The following ZCCHC14 variants were observed in gnomAD, a reference collection of about 807,000 sequenced individuals.
The protein encoded by ZCCHC14 is zinc finger CCHC domain-containing protein 14.
ZCCHC14 carries 16 observed loss-of-function variants against 85.0 expected under a neutral mutation model. The ratio of observed to expected loss-of-function variants is 0.19; its 90% CI spans 0.13 to 0.29. The LOEUF (loss-of-function observed/expected upper bound fraction) is 0.29, where lower values mean the gene tolerates loss of function less well. Ranked by LOEUF, ZCCHC14 falls within the 10% of genes least tolerant of loss-of-function variation. ZCCHC14 has a pLI of 1.00. For missense variants in ZCCHC14, 1,303 were observed against 1,443.5 expected (o/e 0.90, Z 1.58); for synonymous variants, 775 against 630.7 (o/e 1.23, Z -3.43).
intron 4 of ZCCHC14, among the ~76,000 whole-genome samples, 176 bp downstream of exon 4, chr16:87,423,634 G>A (rs1254211731): frequency 1.3e-5 from 2 of 152,244 alleles, no homozygotes; most frequent in African/African-American, 2.4e-5. Flanking sequence ...TGTGCTCGCA[G>A]CAACGCTCAT....
At chr16:87,458,114 A>G (rs997532587) in intron 2 of ZCCHC14, among the ~76,000 whole-genome samples, 10 of 142,684 alleles carry the variant, frequency 7.0e-5, no homozygotes, top group Non-Finnish European at 1.4e-4. Flanking sequence ...AAAAAAAAAA[A>G]GAATGGGGAT....
intron 2 of ZCCHC14, among the ~76,000 whole-genome samples, chr16:87,439,109 G>C (rs1241041451): frequency 6.6e-6 from 1 of 151,646 alleles, no homozygotes; most frequent in Admixed American, 6.6e-5. Context: ...ATTCCAAAAG[G>C]CCTGGGAGGA....
chr16:87,420,283 C>T lies in ZCCHC14; in HGVS notation c.950+324G>A, dbSNP rs569440080. Reference sequence around the variant, plus strand: ...GGGTCCAGAGAAACTGTTTAAGAGACGCCAATTTTATCTGGGAATAGTCTC... The same window carrying T: ...GGGTCCAGAGAAACTGTTTAAGAGATGCCAATTTTATCTGGGAATAGTCTC... On this transcript the variant is annotated intron_variant, in intron 5 of 12. Transcript: ENST00000671377. The surrounding 1 kb of genome is among the most constrained non-coding windows in gnomAD (Gnocchi z 5.0). 2.0e-5 allele frequency among the ~76,000 whole-genome samples: 3 copies of T among 152,312 alleles called. No homozygotes were observed. Among genetic ancestry groups the T allele is most frequent in the Admixed American group, 6.5e-5 (1 of 15,294 alleles).
chr16:87,486,537 C>T (rs545516978), intron 1 of ZCCHC14, among the ~76,000 whole-genome samples: 6 of 152,338 alleles, frequency 3.9e-5, no homozygotes, highest in South Asian at 4.1e-4. Flanking sequence ...CAGCTGAGGA[C>T]GCTTTTCTCA....
rs1315228350 is a variant in ZCCHC14, at chr16:87,406,517, A to AAG, written c.*3761_*3762dup. On this transcript the variant is annotated 3_prime_UTR_variant, in exon 13 of 13. Coordinates refer to ENST00000671377, the MANE Select transcript of ZCCHC14 (RefSeq NM_015144.3). ...GGGAGAATTTTCCTTCATTCCTAAAAAGAAAATATGTCCAATAGAAGCTGT... is the reference window on the plus strand; with the variant it reads ...GGGAGAATTTTCCTTCATTCCTAAAAAGAGAAAATATGTCCAATAGAAGCTGT... The AAG allele has an allele frequency of 6.6e-6, 1 of 152,612 alleles. No individual in the cohort carries two copies. Among genetic ancestry groups the AAG allele is most frequent in the African/African-American group, 2.4e-5 (1 of 41,466 alleles). 9.5% of individuals were successfully genotyped at this position (152,612 alleles called of 1,614,324 possible).
Position 87,412,188 on chromosome 16 carries a change from A to T in ZCCHC14, c.2533T>A (p.Ser845Thr), listed in dbSNP as rs771206468. Residue 845 changes from serine to threonine, a missense_variant, in exon 12 of 13, where the codon TCT (serine) becomes ACT (threonine). By Grantham distance (58) the Ser-to-Thr change is moderately conservative. Transcript: ENST00000671377. ...GACGTGGAGGGGTGGCTGCTGGGAG[A>T]GGCAGTGTTGCTGTTTGCACAGAAG... ...GGFCANSNTA[S>T]PSSHPSTSFA... 1.9e-6 allele frequency: 3 copies of T among 1,613,882 alleles called. No individual in the cohort carries two copies. The highest frequency in any genetic ancestry group is 1.7e-5 in the Admixed American group (1 of 60,016).
chr16:87,426,070 T>C (rs1452935041), intron 3 of ZCCHC14, among the ~76,000 whole-genome samples: 1 of 152,192 alleles, frequency 6.6e-6, no homozygotes, highest in Non-Finnish European at 1.5e-5. Context: ...TATCAGAAAG[T>C]GAGCACTGGA....
intron 3 of ZCCHC14, among the ~76,000 whole-genome samples, chr16:87,424,247 A>G (rs1909252205): frequency 6.6e-6 from 1 of 152,168 alleles, no homozygotes; most frequent in Non-Finnish European, 1.5e-5. Flanking sequence ...CTCAGATGCA[A>G]GAGCGACACA....
intron 2 of ZCCHC14, among the ~76,000 whole-genome samples, chr16:87,445,391 G>A (rs1199757157): frequency 1.3e-5 from 2 of 152,156 alleles, no homozygotes; most frequent in Non-Finnish European, 2.9e-5. Context: ...TAAAGACGCA[G>A]ATCTATTCCC....
In ZCCHC14 at chr16:87,410,345, G is replaced by C. The variant is rs750596082; in HGVS notation, c.3206-10C>G. On this transcript the variant is annotated splice_polypyrimidine_tract_variant and intron_variant, in intron 12 of 12. Coordinates refer to ENST00000671377, the MANE Select transcript of ZCCHC14 (RefSeq NM_015144.3). ...TTCAACCTAAAAGTACCTAGAGAGAGGGGAAAAAAGAGGTCAAATTTGAAT... is the reference window on the plus strand; with the variant it reads ...TTCAACCTAAAAGTACCTAGAGAGACGGGAAAAAAGAGGTCAAATTTGAAT... 3.9e-6 allele frequency: 3 copies of C among 772,904 alleles called. No homozygotes were observed. The highest frequency in any genetic ancestry group is 2.7e-5 in the South Asian group (2 of 73,116). 47.9% of individuals were successfully genotyped at this position (772,904 alleles called of 1,614,324 possible).
intron 2 of ZCCHC14, among the ~76,000 whole-genome samples, chr16:87,441,035 G>T (rs1168882589): frequency 1.4e-5 from 2 of 144,124 alleles, no homozygotes; most frequent in African/African-American, 5.2e-5. Flanking sequence ...ATAGAGTTTC[G>T]CTCTGTCACC....
At chr16:87,459,958 C>T (rs1463443290) in intron 2 of ZCCHC14, 50 bp downstream of exon 2, 1 of 1,612,394 alleles carries the variant, frequency 6.2e-7, no homozygotes, top group Non-Finnish European at 8.5e-7. Context: ...CTGGGGTGTG[C>T]CCATCCTCCG....
chr16:87,491,089 G>T lies in ZCCHC14; in HGVS notation c.570+580C>A, dbSNP rs190293137. Reference sequence around the variant, plus strand: ...GGGAAACCAAGGCGCCGCAATGTGTGTTATCTGTCACCCAAGGGCCCCATT... The same window carrying T: ...GGGAAACCAAGGCGCCGCAATGTGTTTTATCTGTCACCCAAGGGCCCCATT... On this transcript the variant is annotated intron_variant, in intron 1 of 12. Coordinates refer to ENST00000671377, the MANE Select transcript of ZCCHC14 (RefSeq NM_015144.3). This position sits in a 1 kb window ranked among gnomAD's most constrained non-coding sequence, Gnocchi z 5.9. Among the ~76,000 whole-genome samples, 74 of 152,360 alleles carry T rather than the reference G, an allele frequency of 4.9e-4. No homozygotes were observed. The highest frequency in any genetic ancestry group is 1.5e-3 in the African/African-American group (63 of 41,584).
rs763777527 is a variant in ZCCHC14, at chr16:87,412,853, T to C, written c.1868A>G (p.Asn623Ser). ...VLPVQNEASSNPSGHHPLPPQ... is the reference protein window; with the variant it reads ...VLPVQNEASSSPSGHHPLPPQ... ...GGGCAGGGGGTGGTGGCCTGATGGA[T>C]TGGAGCTGGCCTCATTCTGCACAGG... The change falls in exon 12 of 13, where the codon AAT (asparagine) becomes AGT (serine). Residue 623 changes from asparagine (N) to serine (S), a missense_variant. Transcript: ENST00000671377. The C allele has an allele frequency of 3.1e-6, 5 of 1,608,580 alleles. No homozygotes were observed. The highest frequency in any genetic ancestry group is 3.4e-5 in the Admixed American group (2 of 59,606).
intron 2 of ZCCHC14, among the ~76,000 whole-genome samples, chr16:87,445,388 G>T (rs78681694): frequency 2.1e-3 from 323 of 152,190 alleles, no homozygotes; most frequent in African/African-American, 7.4e-3. Context: ...TTTTAAAGAC[G>T]CAGATCTATT....
intron 12 of ZCCHC14, among the ~76,000 whole-genome samples, chr16:87,410,647 G>C (rs60483752): frequency 0.37 from 56,455 of 152,200 alleles, 13,555 homozygotes; most frequent in Non-Finnish European, 0.56. Flanking sequence ...CACTGGGTGA[G>C]GGCAGGTGAG....
rs536137568 is a variant in ZCCHC14 at position 87,407,293 on chromosome 16, T to A, written c.*2987A>T. 5.3e-5 allele frequency: 8 copies of A among 152,366 alleles called. No individual in the cohort carries two copies. The South Asian group carries it at 1.5e-3, about 28-fold the overall frequency. 9.4% of individuals were successfully genotyped at this position (152,366 alleles called of 1,614,324 possible). ...TGTATTAACAAGCTGACTCCTGTAA[T>A]CTTTTGGAGATGACAGATGATACTG... On this transcript the variant is annotated 3_prime_UTR_variant, in exon 13 of 13. Coordinates refer to ENST00000671377, the MANE Select transcript of ZCCHC14 (RefSeq NM_015144.3).
chr16:87,438,414 G>A (rs993644116), intron 2 of ZCCHC14, among the ~76,000 whole-genome samples: 1 of 152,248 alleles, frequency 6.6e-6, no homozygotes, highest in Admixed American at 6.5e-5. Context: ...TGTTAGTTTT[G>A]TGGGCAATGT....
chr16:87,490,253 A>G (rs1283008429), intron 1 of ZCCHC14, among the ~76,000 whole-genome samples: 3 of 152,266 alleles, frequency 2.0e-5, no homozygotes, highest in African/African-American at 7.2e-5. Flanking sequence ...AAACACACAC[A>G]TAAAAAACCT....
Sources: gnomAD v4.1 joint callset for allele counts (sites outside exome capture counted in the v4.1 genomes callset) on GRCh38, gnomAD v4.1.1 for gene constraint, Gnocchi (gnomAD v3.1) non-coding constraint, MANE v1.5 for transcripts, NCBI Gene and HGNC (gene_info 2026-07-23, HGNC 2026-07-21) for gene names.